The following MAP3K21 variants were observed in gnomAD, a reference collection of about 807,000 sequenced individuals.
The protein encoded by MAP3K21 is mitogen-activated protein kinase kinase kinase 21, also known as mitogen-activated protein kinase kinase kinase MLK4.
MAP3K21 carries 63 observed loss-of-function variants against 86.1 expected under a neutral mutation model. The ratio of observed to expected loss-of-function variants is 0.73; its 90% CI spans 0.60 to 0.90. MAP3K21 has a LOEUF of 0.90. Among genes scored for constraint, MAP3K21 ranks in the 40% least tolerant of loss-of-function variants. MAP3K21 has a pLI of 0.00. For missense variants in MAP3K21, 1,220 were observed against 1,367.7 expected (o/e 0.89, Z 1.70); for synonymous variants, 558 against 564.8 (o/e 0.99, Z 0.17).
rs1468024763 is a variant in MAP3K21, at chr1:233,334,961, TTC to T, written c.805+6130_805+6131del. 9.4e-3 allele frequency among the ~76,000 whole-genome samples: 500 copies of T among 53,190 alleles called. 2 individuals are homozygous for T. The highest frequency in any genetic ancestry group is 0.033 in the African/African-American group (459 of 14,058). 34.9% of individuals were successfully genotyped at this position (53,190 alleles called of 152,430 possible). The stretch of plus-strand genomic sequence containing the variant: ...TACATTTTCTCTCTGATTTCTTTCT[TTC>T]TTTTTTTTTTTTATTATACTTTAAG... On this transcript the variant is annotated intron_variant, in intron 1 of 9. Transcript: ENST00000366624.
At chr1:233,342,544 A>C (rs1663054538) in intron 1 of MAP3K21, among the ~76,000 whole-genome samples, 1 of 152,244 alleles carries the variant, frequency 6.6e-6, no homozygotes, top group Admixed American at 6.5e-5. Flanking sequence ...TATAAAATAC[A>C]TTTCCTGCGA....
chr1:233,328,761 G>T lies in MAP3K21; in HGVS notation c.733G>T (p.Ala245Ser). ...GCTGGTCAACTGGGCCGTGCAGATAGCGCGGGGCATGCTCTACCTGCATGA... is the reference window on the plus strand; with the variant it reads ...GCTGGTCAACTGGGCCGTGCAGATATCGCGGGGCATGCTCTACCTGCATGA... ...HVLVNWAVQI[A>S]RGMLYLHEEA... The change falls in exon 1 of 10, where the codon GCG (alanine) becomes TCG (serine). Residue 245 changes from alanine (A) to serine (S), a missense_variant. Around this residue, in one of 5 missense-constraint regions of MAP3K21, gnomAD observed 369 missense variants for 385.3 expected, o/e 0.96. Coordinates refer to ENST00000366624, the MANE Select transcript of MAP3K21 (RefSeq NM_032435.3). This position sits in a 1 kb window ranked among gnomAD's most constrained non-coding sequence, Gnocchi z 8.7. 1 of 1,536,624 alleles carries T rather than the reference G, an allele frequency of 6.5e-7. No homozygotes were observed. Among genetic ancestry groups the T allele is most frequent in the South Asian group, 1.2e-5 (1 of 83,714 alleles).
At chr1:233,330,240 C>G (rs1207023885) in intron 1 of MAP3K21, among the ~76,000 whole-genome samples, 1 of 152,154 alleles carries the variant, frequency 6.6e-6, no homozygotes, top group African/African-American at 2.4e-5. Flanking sequence ...CTCCTTCCCC[C>G]CAAGTCTCTC....
At chr1:233,371,749 T>G (rs1023072762) in intron 5 of MAP3K21, among the ~76,000 whole-genome samples, 2 of 147,668 alleles carry the variant, frequency 1.4e-5, no homozygotes, top group Non-Finnish European at 3.0e-5. Context: ...ATATTTTCCT[T>G]TGTGTGTGTG....
At chr1:233,360,778 G>C (rs1663453762) in intron 4 of MAP3K21, among the ~76,000 whole-genome samples, 1 of 152,182 alleles carries the variant, frequency 6.6e-6, no homozygotes, top group African/African-American at 2.4e-5. Flanking sequence ...TTTGGGTCTA[G>C]TTTCTTCCAG....
At chr1:233,338,004 T>C (rs896832000) in intron 1 of MAP3K21, among the ~76,000 whole-genome samples, 3 of 152,248 alleles carry the variant, frequency 2.0e-5, no homozygotes, top group African/African-American at 7.2e-5. Flanking sequence ...TTCTTGCTAA[T>C]ATATTAATGT....
Position 233,346,597 on chromosome 1 carries a change from T to G in MAP3K21, c.961T>G (p.Phe321Val). 6.2e-7 allele frequency: 1 copy of G among 1,613,468 alleles called. No homozygotes were observed. Among genetic ancestry groups the G allele is most frequent in the Non-Finnish European group, 8.5e-7 (1 of 1,179,798 alleles). ...CCCCGAAGTGATCAAGTCTTCCTTG[T>G]TTTCTAAGGGAAGCGACATCTGGAG... is the stretch of plus-strand genomic sequence containing the variant. ...MAPEVIKSSL[F>V]SKGSDIWSYG... The change falls in exon 2 of 10, where the codon TTT becomes GTT. Residue 321 changes from phenylalanine to valine, a missense_variant. Transcript: ENST00000366624.
At chr1:233,330,948 T>G (rs887784118) in intron 1 of MAP3K21, among the ~76,000 whole-genome samples, 2 of 152,136 alleles carry the variant, frequency 1.3e-5, no homozygotes, top group Admixed American at 6.5e-5. Flanking sequence ...TTTATAAAGT[T>G]TTATAAAGTT....
chr1:233,373,370 C>A (rs1427994423), intron 6 of MAP3K21: 2 of 152,262 alleles, frequency 1.3e-5, no homozygotes, highest in African/African-American at 4.8e-5. Context: ...TGGGGAAAAC[C>A]ACCTCACAGA....
rs976271927 is a variant in MAP3K21, at chr1:233,353,854, G to A, written c.1034G>A (p.Arg345Gln). 4.3e-6 allele frequency: 7 copies of A among 1,612,138 alleles called. No homozygotes were observed. Among genetic ancestry groups the A allele is most frequent in the Non-Finnish European group, 5.1e-6 (6 of 1,179,292 alleles). Residue 345 changes from arginine to glutamine, a missense_variant, in exon 3 of 10, where the codon CGG becomes CAG. Physicochemically the swap from Arg to Gln is conservative, Grantham distance 43. Coordinates refer to ENST00000366624, the MANE Select transcript of MAP3K21 (RefSeq NM_032435.3). ...WELLTGEVPY[R>Q]GIDGLAVAYG... ...CTGCTCACCGGAGAAGTCCCCTATC[G>A]GGGCATTGATGGCCTCGCCGTGGCT... is the stretch of plus-strand genomic sequence containing the variant.
chr1:233,344,989 C>T lies in MAP3K21; in HGVS notation c.806-1453C>T, dbSNP rs569330161. ...AACAGACACATGAAAAAATGCTTAT[C>T]ACTACTGGTCATCAGAGAAATGCAA... On this transcript the variant is annotated intron_variant, in intron 1 of 9. Transcript: ENST00000366624. Among the ~76,000 whole-genome samples the T allele has an allele frequency of 2.0e-5, 3 of 152,266 alleles. No homozygotes were observed. The South Asian group carries it at 6.2e-4, about 32-fold the overall frequency.
Position 233,379,080 on chromosome 1 carries a change from G to A in MAP3K21, c.2074G>A (p.Ala692Thr). 1 of 1,614,104 alleles carries A rather than the reference G, an allele frequency of 6.2e-7. No homozygotes were observed. Among genetic ancestry groups the A allele is most frequent in the Non-Finnish European group, 8.5e-7 (1 of 1,179,940 alleles). ...TGCAGAAGCTGAAAGCTGGGAGGAG[G>A]CAGCCTCTGCGAATGCTGCCACAGT... is the stretch of plus-strand genomic sequence containing the variant. ...NPAEAESWEE[A>T]ASANAATVSI... Residue 692 changes from alanine to threonine, a missense_variant, in exon 9 of 10, where the codon GCA becomes ACA. By Grantham distance (58) the Ala-to-Thr change is moderately conservative (BLOSUM62 0). Coordinates refer to ENST00000366624, the MANE Select transcript of MAP3K21 (RefSeq NM_032435.3).
chr1:233,354,569 A>G (rs566742171), intron 3 of MAP3K21, among the ~76,000 whole-genome samples: 1 of 152,308 alleles, frequency 6.6e-6, no homozygotes, highest in South Asian at 2.1e-4. Flanking sequence ...GCACACGTCC[A>G]TTTATTAAAT....
In MAP3K21 at chr1:233,358,473, G is replaced by GTTTTTTTT. The variant is rs58298146; in HGVS notation, c.1311+3469_1311+3476dup. Among the ~76,000 whole-genome samples the GTTTTTTTT allele has an allele frequency of 2.5e-4, 35 of 141,640 alleles. 1 individual carries two copies. The highest frequency in any genetic ancestry group is 6.7e-4 in the South Asian group (3 of 4,454). The allele number at this position is 141,640 out of a possible 152,430, so 92.9% of individuals were successfully genotyped here. A position where few individuals can be genotyped will look rare whatever the true frequency, so the allele number is the denominator to read the frequency against. On this transcript the variant is annotated intron_variant, in intron 4 of 9. Transcript: ENST00000366624. Reference sequence around the variant, plus strand: ...AATGATACAGGAAAGACTCTAATTTGTTTTTTTTTTTTTTAACACTTCCCC... The same window carrying GTTTTTTTT: ...AATGATACAGGAAAGACTCTAATTTGTTTTTTTTTTTTTTTTTTTTTTAACACTTCCCC...
rs763281698 is a variant in MAP3K21, at chr1:233,382,389, A to C, written c.2789A>C (p.Glu930Ala). Reference sequence around the variant, plus strand: ...GCTCCTCACAGTCATCTGCCAAGGGAGGTCTCACCCAAGAAGCACAGCACT... The same window carrying C: ...GCTCCTCACAGTCATCTGCCAAGGGCGGTCTCACCCAAGAAGCACAGCACT... ...SPAPHSHLPR[E>A]VSPKKHSTVH... is the part of the protein sequence containing the mutation. The change falls in exon 10 of 10, where the codon GAG (glutamate) becomes GCG (alanine). Residue 930 changes from glutamate (E) to alanine (A), a missense_variant. Around this residue, in one of 5 missense-constraint regions of MAP3K21, gnomAD observed 632 missense variants for 691.3 expected, o/e 0.91. Transcript: ENST00000366624. The C allele has an allele frequency of 1.9e-6, 3 of 1,614,066 alleles. No individual in the cohort carries two copies. The South Asian group carries it at 3.3e-5, about 18-fold the overall frequency.
chr1:233,362,096 A>T lies in MAP3K21; in HGVS notation c.1355A>T (p.Gln452Leu), dbSNP rs1663476270. The change falls in exon 5 of 10, where the codon CAG (glutamine) becomes CTG (leucine). Residue 452 changes from glutamine (Q) to leucine (L), a missense_variant. Physicochemically the swap from Gln to Leu is moderately radical, Grantham distance 113. Around this residue, in one of 5 missense-constraint regions of MAP3K21, gnomAD observed 126 missense variants for 127.7 expected, o/e 0.99. Transcript: ENST00000366624. ...GAGGAGCTGACTCGGGCGGCTCTGC[A>T]GCAGAAGTCTCAGGAGGAGCTGCTA... ...REEELTRAAL[Q>L]QKSQEELLKR... 6.2e-7 allele frequency: 1 copy of T among 1,613,456 alleles called. No individual in the cohort carries two copies. The highest frequency in any genetic ancestry group is 8.5e-7 in the Non-Finnish European group (1 of 1,179,764).
rs1258924497 is a variant in MAP3K21 at position 233,328,992 on chromosome 1, C to T, written c.805+159C>T. ...TCAGGGCTCGGAAGTCCAGCTAGTCCTTGGTTACTTGCTTTGGGGCTGGTG... is the reference window on the plus strand; with the variant it reads ...TCAGGGCTCGGAAGTCCAGCTAGTCTTTGGTTACTTGCTTTGGGGCTGGTG... On this transcript the variant is annotated intron_variant, in intron 1 of 9. Transcript: ENST00000366624. This position sits in a 1 kb window ranked among gnomAD's most constrained non-coding sequence, Gnocchi z 8.7. Among the ~76,000 whole-genome samples the T allele has an allele frequency of 6.6e-6, 1 of 152,158 alleles. No individual in the cohort carries two copies. The highest frequency in any genetic ancestry group is 1.5e-5 in the Non-Finnish European group (1 of 68,038).
chr1:233,372,382 G>A (rs1301940378), intron 6 of MAP3K21: 2 of 472,642 alleles, frequency 4.2e-6, no homozygotes, highest in South Asian at 6.2e-5. Context: ...TGCAGTTGGT[G>A]ATGCGACCTG....
chr1:233,371,971 TAAATAC>T (rs1422187979), intron 5 of MAP3K21, 61 bp from the exon 6 acceptor site: 1 of 1,535,026 alleles, frequency 6.5e-7, no homozygotes, highest in Non-Finnish European at 8.8e-7. Context: ...TGCTGTGTGC[TAAATAC>T]ATGGCTATGA....
Sources: gnomAD v4.1 joint callset for allele counts (sites outside exome capture counted in the v4.1 genomes callset) on GRCh38, gnomAD v4.1.1 for gene constraint, gnomAD v4.1.1 regional missense constraint, Gnocchi (gnomAD v3.1) non-coding constraint, MANE v1.5 for transcripts, NCBI Gene and HGNC (gene_info 2026-07-23, HGNC 2026-07-21) for gene names.